PPFIBP2: variants seen among roughly 807,000 people sequenced by gnomAD.
PPFIBP2 encodes the protein liprin-beta-2.
Under a neutral mutation model 118.3 loss-of-function variants are expected in PPFIBP2, and 118 were observed. The observed-to-expected ratio is 1.00, with a 90% CI of 0.86 to 1.16. The LOEUF is 1.16. Ranked by LOEUF, PPFIBP2 falls within the 50% of genes most tolerant of loss-of-function variation. The probability of loss-of-function intolerance (pLI) is 0.00; values close to 1 mark genes in which losing one functional copy is unlikely to be tolerated. For synonymous variants in PPFIBP2, 414 were observed against 397.4 expected (o/e 1.04, Z -0.50); for missense variants, 1,195 against 1,073.1 (o/e 1.11, Z -1.59).
At chr11:7,523,008 G>T (rs1849900716) in intron 1 of PPFIBP2, among the ~76,000 whole-genome samples, 1 of 152,108 alleles carries the variant, frequency 6.6e-6, no homozygotes, top group East Asian at 1.9e-4. Context: ...AGTGGGGATG[G>T]GGGTACAGGG....
intron 3 of PPFIBP2, among the ~76,000 whole-genome samples, chr11:7,589,390 G>T (rs1331035301): frequency 6.6e-6 from 1 of 152,082 alleles, no homozygotes; most frequent in South Asian, 2.1e-4. Context: ...TCAAGAGATT[G>T]AGACTATCCT....
chr11:7,648,171 A>G (rs1853399302), intron 17 of PPFIBP2: 1 of 503,574 alleles, frequency 2.0e-6, no homozygotes, highest in Non-Finnish European at 3.5e-6. Flanking sequence ...TTTGAAATTC[A>G]GATCTTGTGT....
chr11:7,611,997 G>C (rs147141923), intron 6 of PPFIBP2, among the ~76,000 whole-genome samples: 2,292 of 152,234 alleles, frequency 0.015, 61 homozygotes, highest in African/African-American at 0.052. Flanking sequence ...GGACTTTGGG[G>C]GCAGAATTCC....
chr11:7,558,257 T>G lies in PPFIBP2; in HGVS notation c.65-7296T>G, dbSNP rs191241187. Among the ~76,000 whole-genome samples, 584 of 152,264 alleles carry G rather than the reference T, an allele frequency of 3.8e-3. 3 individuals are homozygous for G. Among genetic ancestry groups the G allele is most frequent in the African/African-American group, 0.013 (558 of 41,540 alleles). On this transcript the variant is annotated intron_variant, in intron 2 of 23. Coordinates refer to ENST00000299492, the MANE Select transcript of PPFIBP2 (RefSeq NM_003621.5). ...GAAGTCAGGGCAGGTGGAAGAGATA[T>G]GAGGAATTGTGTACTGGCTCTTAGA... is the stretch of plus-strand genomic sequence containing the variant.
At chr11:7,610,454 G>T in intron 6 of PPFIBP2, 32 bp downstream of exon 6, 1 of 1,602,474 alleles carries the variant, frequency 6.2e-7, no homozygotes, top group Non-Finnish European at 8.5e-7. Context: ...CCTAAGCTCA[G>T]ACCTGGGAAG....
intron 2 of PPFIBP2, among the ~76,000 whole-genome samples, chr11:7,559,571 G>C (rs954567691): frequency 6.6e-6 from 1 of 152,130 alleles, no homozygotes; most frequent in African/African-American, 2.4e-5. Flanking sequence ...AGGCCTGTAG[G>C]CTTGATGTCT....
chr11:7,550,417 T>A (rs1166654341), intron 2 of PPFIBP2, among the ~76,000 whole-genome samples: 1 of 152,206 alleles, frequency 6.6e-6, no homozygotes, highest in Non-Finnish European at 1.5e-5. Context: ...CATTTGCTTT[T>A]CCTTCCCATT....
At chr11:7,611,713 TGAG>T (rs1386660045) in intron 6 of PPFIBP2, among the ~76,000 whole-genome samples, 1 of 152,254 alleles carries the variant, frequency 6.6e-6, no homozygotes, top group Non-Finnish European at 1.5e-5. Flanking sequence ...TTGGTTATTC[TGAG>T]GAGTGAATGA....
intron 5 of PPFIBP2, chr11:7,605,806 A>C (rs1847270404): frequency 2.2e-6 from 3 of 1,380,426 alleles, no homozygotes; most frequent in Non-Finnish European, 2.8e-6. Context: ...AGAGGAGAGA[A>C]TTTCAGAGCT....
intron 15 of PPFIBP2, among the ~76,000 whole-genome samples, chr11:7,640,412 G>A (rs1051166208): frequency 6.6e-6 from 1 of 152,194 alleles, no homozygotes; most frequent in Non-Finnish European, 1.5e-5. Flanking sequence ...CTTTCGGTGC[G>A]TAAGACCTGA....
At chr11:7,633,081 C>T in intron 12 of PPFIBP2, 147 bp downstream of exon 12, 1 of 684,886 alleles carries the variant, frequency 1.5e-6, no homozygotes, top group South Asian at 1.7e-5. Flanking sequence ...CAGTTACAAA[C>T]CAGGCCTACC....
intron 5 of PPFIBP2, chr11:7,598,303 A>T (rs2135339410): frequency 3.3e-6 from 1 of 299,146 alleles, no homozygotes; most frequent in East Asian, 1.3e-4. Flanking sequence ...TCCCATTTAA[A>T]ATTTTTGCTG....
Position 7,649,590 on chromosome 11 carries a change from C to T in PPFIBP2, c.2057C>T (p.Ala686Val), listed in dbSNP as rs1225581021. The change falls in exon 21 of 24, where the codon GCC (alanine) becomes GTC (valine). Residue 686 changes from alanine (A) to valine (V), a missense_variant. By Grantham distance (64) the Ala-to-Val change is moderately conservative. Coordinates refer to ENST00000299492, the MANE Select transcript of PPFIBP2 (RefSeq NM_003621.5). ...CTACATCATCTCAGCATCAAATGTG[C>T]CATTCACGTGCTGCATGTCAACAAG... Reference protein sequence around the residue: ...SQLHHLSIKCAIHVLHVNKFN... With the variant: ...SQLHHLSIKCVIHVLHVNKFN... 6.2e-7 allele frequency: 1 copy of T among 1,614,204 alleles called. No homozygotes were observed. The highest frequency in any genetic ancestry group is 8.5e-7 in the Non-Finnish European group (1 of 1,180,038).
At chr11:7,593,458 C>T (rs959363576) in intron 4 of PPFIBP2, among the ~76,000 whole-genome samples, 19 of 152,134 alleles carry the variant, frequency 1.2e-4, no homozygotes, top group Admixed American at 1.1e-3. Flanking sequence ...TCATGCACTC[C>T]CAAGCACCCG....
At chr11:7,644,843 C>T (rs1211787665) in intron 17 of PPFIBP2, among the ~76,000 whole-genome samples, 12 of 151,112 alleles carry the variant, frequency 7.9e-5, no homozygotes, top group African/African-American at 1.7e-4. Context: ...CCGGCTAAAA[C>T]GGTGAAACCC....
chr11:7,575,560 C>T (rs979135487), intron 3 of PPFIBP2, among the ~76,000 whole-genome samples: 26 of 152,232 alleles, frequency 1.7e-4, no homozygotes, highest in African/African-American at 6.0e-4. Context: ...CTCTCCCTGT[C>T]CAGCTCCCAA....
At chr11:7,591,054 T>C (rs1157472034) in intron 3 of PPFIBP2, among the ~76,000 whole-genome samples, 3 of 152,338 alleles carry the variant, frequency 2.0e-5, no homozygotes, top group Admixed American at 6.5e-5. Flanking sequence ...GCATGTGCTA[T>C]AGAATCTAGG....
intron 1 of PPFIBP2, among the ~76,000 whole-genome samples, chr11:7,546,693 C>T (rs1028520836): frequency 6.6e-6 from 1 of 152,242 alleles, no homozygotes; most frequent in African/African-American, 2.4e-5. Context: ...TGCGTAATCT[C>T]ATCAACCATT....
chr11:7,645,619 G>A (rs1238552029), intron 17 of PPFIBP2, among the ~76,000 whole-genome samples: 2 of 152,186 alleles, frequency 1.3e-5, no homozygotes, highest in Non-Finnish European at 2.9e-5. Flanking sequence ...TGAGGAGGAG[G>A]TGCAGAAGCT....
Sources: allele counts gnomAD v4.1 joint callset (sites outside exome capture counted in the v4.1 genomes callset), GRCh38; gene constraint gnomAD v4.1.1; transcripts MANE v1.5; gene names NCBI Gene and HGNC (gene_info 2026-07-23, HGNC 2026-07-21).